GABRB1: variants seen among roughly 807,000 people sequenced by gnomAD.
GABRB1 encodes gamma-aminobutyric acid receptor subunit beta-1.
A neutral mutation model predicts 51.6 loss-of-function variants in GABRB1; 17 were observed. That is an observed-to-expected ratio of 0.33 (90% CI 0.23 to 0.49). The LOEUF (loss-of-function observed/expected upper bound fraction) is 0.49, where lower values mean the gene tolerates loss of function less well. Ranked by LOEUF, GABRB1 falls within the 20% of genes least tolerant of loss-of-function variation. GABRB1 has a pLI of 0.99. For synonymous variants in GABRB1, 247 were observed against 218.9 expected, an observed-to-expected ratio of 1.13 and a Z score of -1.14; for missense variants, 410 against 600.6, an observed-to-expected ratio of 0.68 and a Z score of 3.32.
At chr4:47,189,635 T>C (rs1373589609) in intron 4 of GABRB1, among the ~76,000 whole-genome samples, 2 of 151,900 alleles carry the variant, frequency 1.3e-5, no homozygotes, top group Non-Finnish European at 2.9e-5. Context: ...CCATGCTGTA[T>C]TTTTAATAGT....
intron 1 of GABRB1, among the ~76,000 whole-genome samples, chr4:47,023,967 G>T (rs1039983409): frequency 1.3e-5 from 2 of 151,634 alleles, no homozygotes; most frequent in Non-Finnish European, 3.0e-5. Flanking sequence ...TTTTCAATGT[G>T]TCTTTACCTT....
chr4:47,310,505 CTTTG>C (rs763449171), intron 4 of GABRB1, among the ~76,000 whole-genome samples: 3 of 152,094 alleles, frequency 2.0e-5, no homozygotes, highest in Non-Finnish European at 4.4e-5. Flanking sequence ...AATATTTGTG[CTTTG>C]TTTAACTGCT....
At chr4:46,995,223 A>G (rs950809288) in intron 1 of GABRB1, among the ~76,000 whole-genome samples, 1 of 152,218 alleles carries the variant, frequency 6.6e-6, no homozygotes, top group Admixed American at 6.5e-5. Flanking sequence ...TCTCAGATCC[A>G]TCTTATAAAT....
At chr4:47,112,195 C>A (rs1228939094) in intron 3 of GABRB1, among the ~76,000 whole-genome samples, 1 of 151,968 alleles carries the variant, frequency 6.6e-6, no homozygotes, top group Non-Finnish European at 1.5e-5. Context: ...TTGAAGTTAG[C>A]AGTTCTGGGC....
At chr4:47,124,209 GA>G (rs1195915659) in intron 3 of GABRB1, among the ~76,000 whole-genome samples, 1 of 151,606 alleles carries the variant, frequency 6.6e-6, no homozygotes, top group Non-Finnish European at 1.5e-5. Flanking sequence ...AGGATGAGTA[GA>G]ATTTTAAAAT....
intron 1 of GABRB1, among the ~76,000 whole-genome samples, chr4:46,995,272 C>T (rs1006696944): frequency 3.3e-5 from 5 of 152,132 alleles, no homozygotes; most frequent in Non-Finnish European, 5.9e-5. Flanking sequence ...GGAAAAATAG[C>T]GGAAGAACTA....
chr4:47,195,896 C>T (rs572691062), intron 4 of GABRB1, among the ~76,000 whole-genome samples: 1 of 152,330 alleles, frequency 6.6e-6, no homozygotes, highest in South Asian at 2.1e-4. Flanking sequence ...TTCTGCCAGT[C>T]TGATGTCATC....
intron 4 of GABRB1, among the ~76,000 whole-genome samples, chr4:47,275,886 C>T (rs1367226063): frequency 6.6e-6 from 1 of 152,122 alleles, no homozygotes; most frequent in Non-Finnish European, 1.5e-5. Flanking sequence ...CTGCTGATCC[C>T]TCATGTAACT....
At chr4:47,402,604 C>T (rs182887059) in intron 5 of GABRB1, among the ~76,000 whole-genome samples, 2,051 of 152,084 alleles carry the variant, frequency 0.013, 23 homozygotes, top group Non-Finnish European at 0.021. Flanking sequence ...CAGCAAAGGG[C>T]CTTCATGCTG....
At chr4:47,010,969 C>G (rs1457561696) in intron 1 of GABRB1, among the ~76,000 whole-genome samples, 1 of 151,424 alleles carries the variant, frequency 6.6e-6, no homozygotes, top group Non-Finnish European at 1.5e-5. Context: ...TTTTTTTAAA[C>G]TCATTGCCAC....
intron 4 of GABRB1, among the ~76,000 whole-genome samples, chr4:47,307,942 G>T (rs1360663424): frequency 6.6e-6 from 1 of 151,888 alleles, no homozygotes; most frequent in African/African-American, 2.4e-5. Flanking sequence ...AACCAGTGAA[G>T]AAAATTAATA....
chr4:47,275,068 A>G (rs1723027313), intron 4 of GABRB1, among the ~76,000 whole-genome samples: 1 of 152,176 alleles, frequency 6.6e-6, no homozygotes, highest in East Asian at 1.9e-4. Context: ...GGCAACTTCC[A>G]ATTAAGCCAA....
intron 5 of GABRB1, among the ~76,000 whole-genome samples, chr4:47,341,000 C>T (rs568149409): frequency 5.3e-5 from 8 of 152,292 alleles, no homozygotes; most frequent in Middle Eastern, 3.4e-3. Flanking sequence ...GGGAGGATAA[C>T]TTAAATCAAT....
At chr4:47,078,450 T>G (rs892233681) in intron 3 of GABRB1, among the ~76,000 whole-genome samples, 1 of 152,194 alleles carries the variant, frequency 6.6e-6, no homozygotes. Context: ...TTCACCATTT[T>G]TATTCAAAGT....
At chr4:47,082,819 C>T (rs546850616) in intron 3 of GABRB1, among the ~76,000 whole-genome samples, 1 of 152,222 alleles carries the variant, frequency 6.6e-6, no homozygotes, top group African/African-American at 2.4e-5. Context: ...TCTAGATTCG[C>T]ATGTCTGGAG....
At chr4:47,087,890 C>T (rs1234336800) in intron 3 of GABRB1, among the ~76,000 whole-genome samples, 1 of 152,164 alleles carries the variant, frequency 6.6e-6, no homozygotes, top group East Asian at 1.9e-4. Flanking sequence ...TAGGAAGTAA[C>T]AGGCTTTTGA....
At chr4:47,161,087 C>T (rs912026295) in intron 3 of GABRB1, among the ~76,000 whole-genome samples, 162 bp from the exon 4 acceptor site, 1 of 152,012 alleles carries the variant, frequency 6.6e-6, no homozygotes, top group African/African-American at 2.4e-5. Flanking sequence ...TCCACAGTGC[C>T]AGGCCCCTAG....
chr4:47,400,921 C>A, intron 5 of GABRB1, among the ~76,000 whole-genome samples: 2 of 98,542 alleles, frequency 2.0e-5, no homozygotes, highest in African/African-American at 4.1e-5. Flanking sequence ...TTGTTCTTCT[C>A]TTTTTTTTTT....
At chr4:47,398,615 C>T (rs1434024504) in intron 5 of GABRB1, among the ~76,000 whole-genome samples, 1 of 152,180 alleles carries the variant, frequency 6.6e-6, no homozygotes, top group Non-Finnish European at 1.5e-5. Flanking sequence ...GACGGTGTCT[C>T]GCACTGTCGC....
Sources: allele counts gnomAD v4.1 joint callset (sites outside exome capture counted in the v4.1 genomes callset), GRCh38; gene constraint gnomAD v4.1.1; transcripts MANE v1.5; gene names NCBI Gene and HGNC (gene_info 2026-07-23, HGNC 2026-07-21).